CHL1: variants seen among roughly 807,000 people sequenced by gnomAD.
CHL1 encodes the protein neural cell adhesion molecule L1-like protein.
In CHL1, 96 loss-of-function variants were observed where a neutral mutation model predicts 141.9. That is an observed-to-expected ratio of 0.68 (90% CI 0.57 to 0.80). The LOEUF is 0.80. Among genes scored for constraint, CHL1 ranks in the 30% least tolerant of loss-of-function variants. CHL1 has a pLI of 0.00. For missense variants in CHL1, 1,820 were observed against 1,457.2 expected, an observed-to-expected ratio of 1.25 and a Z score of -4.05; for synonymous variants, 613 against 502.2, an observed-to-expected ratio of 1.22 and a Z score of -2.95.
At chr3:298,987 G>T (rs1317683608) in intron 2 of CHL1, among the ~76,000 whole-genome samples, 1 of 152,062 alleles carries the variant, frequency 6.6e-6, no homozygotes, top group Non-Finnish European at 1.5e-5. Flanking sequence ...GCTATAACCT[G>T]GTTGAATCTT....
At chr3:238,241 G>A (rs13072907) in intron 1 of CHL1, among the ~76,000 whole-genome samples, 76,943 of 151,830 alleles carry the variant, frequency 0.51, 21,125 homozygotes, top group Non-Finnish European at 0.61. Context: ...GATTCCTTTC[G>A]GGTAAATGTT....
At chr3:355,265 G>A (rs1358103209) in intron 11 of CHL1, among the ~76,000 whole-genome samples, 1 of 152,158 alleles carries the variant, frequency 6.6e-6, no homozygotes, top group Non-Finnish European at 1.5e-5. Flanking sequence ...TCAGGGAAAA[G>A]GAGGCATCCC....
chr3:404,349 A>G (rs576075632), intron 27 of CHL1, among the ~76,000 whole-genome samples: 1 of 152,306 alleles, frequency 6.6e-6, no homozygotes, highest in East Asian at 1.9e-4. Context: ...ACCACAAATT[A>G]TAAAGTGATA....
intron 1 of CHL1, chr3:197,608 G>A: frequency 2.8e-6 from 1 of 360,406 alleles, no homozygotes; most frequent in Non-Finnish European, 5.5e-6. Context: ...CTCCTCTCAG[G>A]AGAGGATTCT....
At chr3:388,384 C>G (rs572898107) in intron 19 of CHL1, among the ~76,000 whole-genome samples, 132 of 151,492 alleles carry the variant, frequency 8.7e-4, no homozygotes, top group African/African-American at 3.1e-3. Context: ...CCTGTCTCTA[C>G]TAAAAATACA....
intron 1 of CHL1, among the ~76,000 whole-genome samples, chr3:224,611 C>T (rs1018471793): frequency 7.2e-5 from 11 of 152,024 alleles, no homozygotes; most frequent in African/African-American, 2.4e-4. Context: ...GTAAAAACTC[C>T]CTAATGCTCA....
intron 15 of CHL1, 91 bp downstream of exon 15, chr3:366,206 C>G: frequency 1.6e-6 from 2 of 1,260,500 alleles, no homozygotes; most frequent in Non-Finnish European, 2.3e-6. Flanking sequence ...CATGCTGACT[C>G]ACGCTTGTAA....
intron 12 of CHL1, 137 bp from the exon 13 acceptor site, chr3:361,562 T>G (rs1439724644): frequency 1.7e-6 from 1 of 593,570 alleles, no homozygotes; most frequent in East Asian, 2.7e-5. Context: ...ATTGGGATAC[T>G]TCTATAATTC....
At chr3:304,837 T>C (rs1255341614) in intron 2 of CHL1, among the ~76,000 whole-genome samples, 2 of 152,206 alleles carry the variant, frequency 1.3e-5, no homozygotes, top group African/African-American at 2.4e-5. Flanking sequence ...GATGTTAGGG[T>C]GTCAATTTTA....
rs1299736992 is a variant in CHL1, at chr3:344,666, C to G, written c.805C>G (p.Leu269Val). Residue 269 changes from leucine to valine, a missense_variant, in exon 9 of 28, where the codon CTC becomes GTC. By Grantham distance (32) the Leu-to-Val change is conservative (BLOSUM62 1). Coordinates refer to ENST00000256509, the MANE Select transcript of CHL1 (RefSeq NM_006614.4). ...ESGSESSITILKGEILLLECF... is the reference protein window; with the variant it reads ...ESGSESSITIVKGEILLLECF... ...TGGCAGTGAGTCTTCAATTACCATC[C>G]TCAAAGGGGAAATCTTGCTGCTTGA... The G allele has an allele frequency of 6.2e-7, 1 of 1,613,752 alleles. No homozygotes were observed. The highest frequency in any genetic ancestry group is 8.5e-7 in the Non-Finnish European group (1 of 1,179,826).
intron 4 of CHL1, among the ~76,000 whole-genome samples, chr3:327,545 G>A (rs1385487266): frequency 2.0e-5 from 3 of 151,778 alleles, no homozygotes; most frequent in Non-Finnish European, 2.9e-5. Flanking sequence ...AAGTACCAAA[G>A]AATAAATATA....
intron 10 of CHL1, among the ~76,000 whole-genome samples, chr3:350,028 C>T (rs568583378): frequency 2.0e-5 from 3 of 152,280 alleles, no homozygotes; most frequent in African/African-American, 7.2e-5. Context: ...ATTGTTGTGT[C>T]AGCTCTTTCC....
chr3:384,671 T>C (rs1707460219), intron 19 of CHL1: 1 of 152,214 alleles, frequency 6.6e-6, no homozygotes, highest in South Asian at 2.1e-4. Context: ...TATATTGGCC[T>C]ACCTAAAAGG....
intron 1 of CHL1, among the ~76,000 whole-genome samples, chr3:202,101 C>T (rs1304777674): frequency 6.6e-6 from 1 of 152,196 alleles, no homozygotes; most frequent in Admixed American, 6.5e-5. Flanking sequence ...AGGTGTGTGG[C>T]ATTGGCTTAG....
chr3:360,742 T>G (rs1184592660), intron 12 of CHL1, among the ~76,000 whole-genome samples: 5 of 35,390 alleles, frequency 1.4e-4, no homozygotes, highest in East Asian at 1.1e-3. Flanking sequence ...CCGCCCCCCC[T>G]CCCCCCACCC....
At chr3:301,958 C>T (rs1171643958) in intron 2 of CHL1, among the ~76,000 whole-genome samples, 2 of 152,186 alleles carry the variant, frequency 1.3e-5, no homozygotes, top group Non-Finnish European at 2.9e-5. Flanking sequence ...TCCATGTGTT[C>T]TCCTTGTTCA....
chr3:295,816 C>T (rs1048655087), intron 2 of CHL1, among the ~76,000 whole-genome samples: 2 of 152,160 alleles, frequency 1.3e-5, no homozygotes, highest in South Asian at 4.1e-4. Flanking sequence ...TTAACAAATG[C>T]TGGACAGCCT....
chr3:403,051 T>C (rs1392809456), intron 27 of CHL1, among the ~76,000 whole-genome samples: 2 of 152,210 alleles, frequency 1.3e-5, no homozygotes, highest in East Asian at 3.9e-4. Context: ...TGGTTTCATC[T>C]AAAGTTTCAG....
At chr3:348,375 T>C (rs1404434869) in intron 9 of CHL1, among the ~76,000 whole-genome samples, 1 of 152,162 alleles carries the variant, frequency 6.6e-6, no homozygotes, top group East Asian at 1.9e-4. Flanking sequence ...GTTGCATCAA[T>C]AAAATTAGCA....
Sources: allele counts gnomAD v4.1 joint callset (sites outside exome capture counted in the v4.1 genomes callset), GRCh38; gene constraint gnomAD v4.1.1; transcripts MANE v1.5; gene names NCBI Gene and HGNC (gene_info 2026-07-23, HGNC 2026-07-21).